SUPT3H: variants seen among roughly 807,000 people sequenced by gnomAD.
The protein encoded by SUPT3H is transcription initiation protein SPT3 homolog.
Under a neutral mutation model 44.3 loss-of-function variants are expected in SUPT3H, and 44 were observed. That is an observed-to-expected ratio of 0.99 (90% confidence interval 0.78 to 1.28). SUPT3H has a LOEUF of 1.28. Among genes scored for constraint, SUPT3H ranks in the 50% most tolerant of loss-of-function variants. SUPT3H has a pLI of 0.00. For missense variants in SUPT3H, 380 were observed against 387.1 expected, an observed-to-expected ratio of 0.98 and a Z score of 0.15; for synonymous variants, 124 against 125.6, an observed-to-expected ratio of 0.99 and a Z score of 0.09.
chr6:45,167,593 A>C (rs1343939320), intron 2 of SUPT3H, among the ~76,000 whole-genome samples: 1 of 150,112 alleles, frequency 6.7e-6, no homozygotes, highest in Non-Finnish European at 1.5e-5. Context: ...TTTTGATCAA[A>C]CTCAACATTT....
At chr6:44,845,321 AT>A (rs1357021119) in intron 10 of SUPT3H, among the ~76,000 whole-genome samples, 2 of 152,212 alleles carry the variant, frequency 1.3e-5, no homozygotes, top group African/African-American at 4.8e-5. Context: ...ATAAGCTATC[AT>A]TGTGAAGTGA....
At chr6:45,311,601 T>C (rs1783959614) in intron 2 of SUPT3H, among the ~76,000 whole-genome samples, 1 of 152,106 alleles carries the variant, frequency 6.6e-6, no homozygotes. Flanking sequence ...ACCTATCAGA[T>C]TAACAGCAGA....
chr6:45,120,656 T>A (rs1034868175), intron 2 of SUPT3H, among the ~76,000 whole-genome samples: 1 of 151,946 alleles, frequency 6.6e-6, no homozygotes, highest in African/African-American at 2.4e-5. Context: ...AAAAAAGGAA[T>A]CTATTAAAAG....
In SUPT3H at chr6:45,158,294, ATATATTTTTT is replaced by A. The variant is rs1169391691; in HGVS notation, c.102-52298_102-52289del. Among the ~76,000 whole-genome samples, 163 of 30,532 alleles carry A rather than the reference ATATATTTTTT, an allele frequency of 5.3e-3. 8 individuals are homozygous for A. Among genetic ancestry groups the A allele is most frequent in the African/African-American group, 0.024 (160 of 6,776 alleles). 20.0% of individuals were successfully genotyped at this position (30,532 alleles called of 152,430 possible). A position where few individuals can be genotyped will look rare whatever the true frequency, so the allele number is the denominator to read the frequency against. Reference sequence around the variant, plus strand: ...AATATACATATATATATATATATATATATATTTTTTTTTTTTTTTTTTTGAGATGGAGTCT... The same window carrying A: ...AATATACATATATATATATATATATATTTTTTTTTTTTTGAGATGGAGTCT... On this transcript the variant is annotated intron_variant, in intron 2 of 10. Transcript: ENST00000371459.
intron 3 of SUPT3H, among the ~76,000 whole-genome samples, chr6:45,038,983 T>C (rs1200649430): frequency 1.3e-5 from 2 of 152,172 alleles, no homozygotes; most frequent in Non-Finnish European, 2.9e-5. Flanking sequence ...GGAAAAATTA[T>C]GTTTCTGTTC....
At chr6:45,035,456 T>A (rs901335733) in intron 3 of SUPT3H, among the ~76,000 whole-genome samples, 2 of 152,122 alleles carry the variant, frequency 1.3e-5, no homozygotes, top group Non-Finnish European at 2.9e-5. Flanking sequence ...GGAGAGGTAA[T>A]CTGAAAAGTA....
intron 2 of SUPT3H, among the ~76,000 whole-genome samples, chr6:45,183,074 T>C (rs2153614379): frequency 6.6e-6 from 1 of 152,352 alleles, no homozygotes; most frequent in Admixed American, 6.5e-5. Context: ...GGCAACAACC[T>C]AAGTGTCAAA....
At chr6:45,278,350 A>G (rs1371969480) in intron 2 of SUPT3H, among the ~76,000 whole-genome samples, 1 of 152,210 alleles carries the variant, frequency 6.6e-6, no homozygotes, top group African/African-American at 2.4e-5. Context: ...TCTTTTTCCA[A>G]CTATGGTACA....
intron 3 of SUPT3H, among the ~76,000 whole-genome samples, chr6:45,100,907 G>T (rs961672630): frequency 1.3e-5 from 2 of 152,168 alleles, no homozygotes; most frequent in African/African-American, 4.8e-5. Context: ...GTTTATTGCA[G>T]CAATACTCAC....
chr6:44,893,978 G>A (rs36145271), intron 10 of SUPT3H, among the ~76,000 whole-genome samples: 3 of 141,352 alleles, frequency 2.1e-5, no homozygotes, highest in African/African-American at 5.1e-5. Context: ...GCCAGTGATG[G>A]TGAGCATTTT....
chr6:44,863,678 A>C (rs1268314510), intron 10 of SUPT3H, among the ~76,000 whole-genome samples: 2 of 152,110 alleles, frequency 1.3e-5, no homozygotes, highest in Non-Finnish European at 2.9e-5. Flanking sequence ...GGGCCAGATC[A>C]TGTGGGGCTG....
At chr6:45,278,831 A>G (rs1024213330) in intron 2 of SUPT3H, among the ~76,000 whole-genome samples, 6 of 152,208 alleles carry the variant, frequency 3.9e-5, no homozygotes, top group African/African-American at 1.4e-4. Flanking sequence ...AAGCAGACAT[A>G]TTTAGGAGCA....
At chr6:45,242,547 C>T (rs1024610384) in intron 2 of SUPT3H, among the ~76,000 whole-genome samples, 1 of 152,186 alleles carries the variant, frequency 6.6e-6, no homozygotes, top group Admixed American at 6.5e-5. Context: ...GTAGACATCA[C>T]TGAATACAAT....
intron 11 of SUPT3H, among the ~76,000 whole-genome samples, chr6:44,819,307 C>A (rs1767117950): frequency 4.0e-5 from 6 of 151,760 alleles, no homozygotes; most frequent in Non-Finnish European, 8.8e-5. Context: ...TGAGTGTTGC[C>A]AGGGGTTAGT....
intron 2 of SUPT3H, among the ~76,000 whole-genome samples, chr6:45,256,464 C>T (rs1197554170): frequency 6.6e-6 from 1 of 152,036 alleles, no homozygotes; most frequent in Non-Finnish European, 1.5e-5. Flanking sequence ...GAGGGCAGAG[C>T]CCTCATTACC....
intron 2 of SUPT3H, among the ~76,000 whole-genome samples, chr6:45,128,597 T>C (rs1444245610): frequency 7.4e-6 from 1 of 135,950 alleles, no homozygotes; most frequent in Non-Finnish European, 1.5e-5. Flanking sequence ...CACATATATA[T>C]ATATACACAC....
At chr6:45,064,538 C>A in intron 3 of SUPT3H, among the ~76,000 whole-genome samples, 1 of 137,846 alleles carries the variant, frequency 7.3e-6, no homozygotes, top group African/African-American at 2.8e-5. Context: ...AGTCAAGACC[C>A]ATCAGTGTGC....
chr6:45,026,552 T>C (rs1275992650), intron 3 of SUPT3H, among the ~76,000 whole-genome samples: 1 of 152,150 alleles, frequency 6.6e-6, no homozygotes, highest in Non-Finnish European at 1.5e-5. Context: ...AAAAAATATA[T>C]AAAACATTAA....
chr6:44,866,101 A>G (rs906932915), intron 10 of SUPT3H, among the ~76,000 whole-genome samples: 2 of 128,296 alleles, frequency 1.6e-5, no homozygotes, highest in African/African-American at 5.6e-5. Flanking sequence ...GAAAGCCTAC[A>G]TCGACTTTTT....
Sources: gnomAD v4.1 joint callset for allele counts (sites outside exome capture counted in the v4.1 genomes callset) on GRCh38, gnomAD v4.1.1 for gene constraint, MANE v1.5 for transcripts, NCBI Gene and HGNC (gene_info 2026-07-23, HGNC 2026-07-21) for gene names.